KCNH1: variants seen among roughly 807,000 people sequenced by gnomAD.
KCNH1 encodes potassium voltage-gated channel subfamily H member 1.
A neutral mutation model predicts 69.2 loss-of-function variants in KCNH1; 27 were observed. That is an observed-to-expected ratio of 0.39 (90% CI 0.29 to 0.54). The LOEUF (loss-of-function observed/expected upper bound fraction) is 0.54, where lower values mean the gene tolerates loss of function less well. Among genes scored for constraint, KCNH1 ranks in the 20% least tolerant of loss-of-function variants. The pLI is 0.68. For missense variants in KCNH1, 798 were observed against 1,261.6 expected (o/e 0.63, Z 5.57); for synonymous variants, 456 against 487.7 (o/e 0.93, Z 0.86).
chr1:211,049,555 G>T (rs921852418), intron 5 of KCNH1, among the ~76,000 whole-genome samples: 1 of 152,188 alleles, frequency 6.6e-6, no homozygotes, highest in East Asian at 1.9e-4. Flanking sequence ...TGAATTAAGG[G>T]AGAGCAGGAC....
intron 5 of KCNH1, among the ~76,000 whole-genome samples, chr1:211,060,932 G>C (rs1690423290): frequency 6.6e-6 from 1 of 152,032 alleles, no homozygotes; most frequent in African/African-American, 2.4e-5. Flanking sequence ...AAATAGAGGA[G>C]AAGGAAATAC....
rs1474640015 is a variant in KCNH1 at position 210,718,649 on chromosome 1, T to TACACAC, written c.2113-34512_2113-34511insGTGTGT. On this transcript the variant is annotated intron_variant, in intron 10 of 10. Coordinates refer to ENST00000271751, the MANE Select transcript of KCNH1 (RefSeq NM_172362.3). ...GTATAAATATATATATACATATATATATACACACACACACACACACACACA... is the reference window on the plus strand; with the variant it reads ...GTATAAATATATATATACATATATATACACACATACACACACACACACACACACACA... 4.1e-5 allele frequency among the ~76,000 whole-genome samples: 3 copies of TACACAC among 72,334 alleles called. 1 individual carries two copies. The highest frequency in any genetic ancestry group is 7.3e-5 in the Non-Finnish European group (3 of 41,210). The allele number at this position is 72,334 out of a possible 152,430, so 47.5% of individuals were successfully genotyped here. A position where few individuals can be genotyped will look rare whatever the true frequency, so the allele number is the denominator to read the frequency against.
At chr1:210,862,923 T>C (rs1306690932) in intron 7 of KCNH1, among the ~76,000 whole-genome samples, 3 of 152,196 alleles carry the variant, frequency 2.0e-5, no homozygotes, top group Non-Finnish European at 4.4e-5. Context: ...ACAGATTCCC[T>C]GAAGCCAGTG....
Position 210,757,988 on chromosome 1 carries a change from C to A in KCNH1, c.2112+17360G>T, listed in dbSNP as rs531292272. Among the ~76,000 whole-genome samples the A allele has an allele frequency of 1.5e-4, 23 of 152,324 alleles. 1 individual carries two copies. In the South Asian group the frequency reaches 4.4e-3, roughly 29 times the overall value. ...GCCTCCTCCAGCGGATACTGAGGACCCATCAGCTAGGGAAGCTCTACTAGG... is the reference window on the plus strand; with the variant it reads ...GCCTCCTCCAGCGGATACTGAGGACACATCAGCTAGGGAAGCTCTACTAGG... On this transcript the variant is annotated intron_variant, in intron 10 of 10. Coordinates refer to ENST00000271751, the MANE Select transcript of KCNH1 (RefSeq NM_172362.3).
At chr1:210,754,478 T>C (rs1683350856) in intron 10 of KCNH1, among the ~76,000 whole-genome samples, 1 of 152,128 alleles carries the variant, frequency 6.6e-6, no homozygotes, top group Non-Finnish European at 1.5e-5. Flanking sequence ...TGAAATGTAA[T>C]TCCCAATGTT....
chr1:211,085,482 GAA>G (rs767474662), intron 4 of KCNH1, among the ~76,000 whole-genome samples: 4 of 134,272 alleles, frequency 3.0e-5, no homozygotes, highest in Admixed American at 7.5e-5. Flanking sequence ...TAGTGGGCTA[GAA>G]AAAAAAAAAA....
chr1:210,939,628 G>A (rs115856017), intron 6 of KCNH1, among the ~76,000 whole-genome samples: 1 of 152,130 alleles, frequency 6.6e-6, no homozygotes, highest in Non-Finnish European at 1.5e-5. Flanking sequence ...GGCACAGAAG[G>A]CATTTTACAT....
chr1:210,927,282 A>G (rs771432247), intron 6 of KCNH1, among the ~76,000 whole-genome samples: 3 of 152,232 alleles, frequency 2.0e-5, no homozygotes, highest in Non-Finnish European at 2.9e-5. Flanking sequence ...AGCCAAGACA[A>G]AGGAAAGAAT....
At chr1:210,786,503 A>G (rs1205133767) in intron 9 of KCNH1, among the ~76,000 whole-genome samples, 1 of 151,680 alleles carries the variant, frequency 6.6e-6, no homozygotes. Flanking sequence ...CTGGAAATCC[A>G]TCTCGGGCTC....
chr1:210,684,816 A>G (rs1337846188), intron 10 of KCNH1, among the ~76,000 whole-genome samples: 1 of 152,158 alleles, frequency 6.6e-6, no homozygotes, highest in Admixed American at 6.5e-5. Flanking sequence ...AATACCCATC[A>G]CTTGGACAGT....
chr1:211,099,286 T>C (rs1691214867), intron 3 of KCNH1, among the ~76,000 whole-genome samples: 1 of 152,148 alleles, frequency 6.6e-6, no homozygotes, highest in Non-Finnish European at 1.5e-5. Context: ...ATAATAGTAC[T>C]TCTCTGAGTC....
chr1:210,682,458 G>A lies in KCNH1; in HGVS notation c.*823C>T, dbSNP rs1332660380. 1.3e-5 allele frequency: 2 copies of A among 152,482 alleles called. No homozygotes were observed. Among genetic ancestry groups the A allele is most frequent in the Non-Finnish European group, 2.9e-5 (2 of 68,276 alleles). 9.4% of individuals were successfully genotyped at this position (152,482 alleles called of 1,614,324 possible). Reference sequence around the variant, plus strand: ...AGAGGCCAAGAAGGAACAGAAGCAAGGGAGCCTGTGTGTGAGGCCAGCAGC... The same window carrying A: ...AGAGGCCAAGAAGGAACAGAAGCAAAGGAGCCTGTGTGTGAGGCCAGCAGC... On this transcript the variant is annotated 3_prime_UTR_variant, in exon 11 of 11. Transcript: ENST00000271751.
intron 5 of KCNH1, among the ~76,000 whole-genome samples, chr1:211,045,703 A>G (rs1447284853): frequency 2.0e-5 from 3 of 152,282 alleles, no homozygotes; most frequent in Admixed American, 6.5e-5. Context: ...CACACTTAAC[A>G]TAAGTTCTAC....
chr1:210,684,640 AGGCAAG>A (rs1681369064), intron 10 of KCNH1, among the ~76,000 whole-genome samples: 1 of 152,206 alleles, frequency 6.6e-6, no homozygotes, highest in Admixed American at 6.5e-5. Context: ...GAAAGTCCCC[AGGCAAG>A]GCTACAGCTA....
intron 10 of KCNH1, among the ~76,000 whole-genome samples, chr1:210,774,442 G>A (rs78999695): frequency 1.3e-5 from 2 of 152,108 alleles, no homozygotes; most frequent in Non-Finnish European, 2.9e-5. Flanking sequence ...CTCAGAGAGG[G>A]GGAAGCAGCA....
At chr1:210,836,004 C>T (rs892200047) in intron 7 of KCNH1, among the ~76,000 whole-genome samples, 56 of 150,784 alleles carry the variant, frequency 3.7e-4, no homozygotes, top group South Asian at 2.1e-4. Flanking sequence ...GTGGTGCACC[C>T]CTGTAGTCCC....
At chr1:211,122,359 C>T (rs371335437) in intron 1 of KCNH1, among the ~76,000 whole-genome samples, 8 of 152,190 alleles carry the variant, frequency 5.3e-5, no homozygotes, top group East Asian at 1.9e-4. Context: ...GAAATAGGAA[C>T]GCTTTTACAC....
intron 6 of KCNH1, among the ~76,000 whole-genome samples, chr1:210,929,982 A>G (rs938828630): frequency 2.6e-5 from 4 of 152,232 alleles, no homozygotes; most frequent in African/African-American, 9.6e-5. Context: ...CAAGGAGGTG[A>G]AAGTCCTCTA....
At chr1:210,927,495 C>T (rs1687596777) in intron 6 of KCNH1, among the ~76,000 whole-genome samples, 1 of 152,106 alleles carries the variant, frequency 6.6e-6, no homozygotes, top group Admixed American at 6.5e-5. Flanking sequence ...GCAATCTTTT[C>T]CAGACAAACA....
Sources: allele counts gnomAD v4.1 joint callset (sites outside exome capture counted in the v4.1 genomes callset), GRCh38; gene constraint gnomAD v4.1.1; transcripts MANE v1.5; gene names NCBI Gene and HGNC (gene_info 2026-07-23, HGNC 2026-07-21).